PARD3: variants seen among roughly 807,000 people sequenced by gnomAD.
PARD3 encodes the protein par-3 family cell polarity regulator.
Under a neutral mutation model 155.4 loss-of-function variants are expected in PARD3, and 75 were observed. The ratio of observed to expected loss-of-function variants is 0.48; its 90% CI spans 0.40 to 0.58. PARD3 has a LOEUF of 0.58. Ranked by LOEUF, PARD3 falls within the 20% of genes least tolerant of loss-of-function variation. The pLI is 0.00. For synonymous variants in PARD3, 576 were observed against 610.5 expected, an observed-to-expected ratio of 0.94 and a Z score of 0.83; for missense variants, 1,642 against 1,721.7, an observed-to-expected ratio of 0.95 and a Z score of 0.82.
At chr10:34,448,851 A>G (rs1370363906) in intron 5 of PARD3, among the ~76,000 whole-genome samples, 1 of 151,980 alleles carries the variant, frequency 6.6e-6, no homozygotes, top group Non-Finnish European at 1.5e-5. Context: ...CCAACAGAAT[A>G]GATCTCAAGT....
intron 22 of PARD3, among the ~76,000 whole-genome samples, chr10:34,222,561 G>T (rs978716280): frequency 1.3e-5 from 2 of 152,088 alleles, no homozygotes; most frequent in Non-Finnish European, 2.9e-5. Context: ...AGTAATAAAT[G>T]GAGAGAGAGA....
chr10:34,653,537 C>T (rs552018407), intron 2 of PARD3, among the ~76,000 whole-genome samples: 6 of 152,138 alleles, frequency 3.9e-5, no homozygotes, highest in South Asian at 4.2e-4. Context: ...ATGTATAGCA[C>T]GAGATACCAC....
intron 15 of PARD3, among the ~76,000 whole-genome samples, chr10:34,347,183 C>T (rs978820023): frequency 7.9e-5 from 12 of 152,172 alleles, no homozygotes; most frequent in Non-Finnish European, 1.3e-4. Context: ...TGTTTTATGT[C>T]AGGTGTTATT....
intron 2 of PARD3, among the ~76,000 whole-genome samples, chr10:34,634,752 C>T (rs747944656): frequency 1.3e-5 from 2 of 152,166 alleles, no homozygotes; most frequent in Non-Finnish European, 2.9e-5. Context: ...AAATGTATTA[C>T]GGGCAGAATG....
chr10:34,559,942 G>A (rs1404639345), intron 2 of PARD3, among the ~76,000 whole-genome samples: 3 of 152,150 alleles, frequency 2.0e-5, no homozygotes, highest in African/African-American at 4.8e-5. Flanking sequence ...CATTTAAAAT[G>A]AGTCAGTGAA....
intron 1 of PARD3, among the ~76,000 whole-genome samples, chr10:34,771,400 G>A (rs894877485): frequency 2.6e-5 from 4 of 152,162 alleles, no homozygotes; most frequent in Non-Finnish European, 5.9e-5. Context: ...GGGGTCCCAC[G>A]TGTAGCATAG....
chr10:34,205,945 T>C (rs1951456090), intron 22 of PARD3, among the ~76,000 whole-genome samples: 1 of 152,138 alleles, frequency 6.6e-6, no homozygotes, highest in Non-Finnish European at 1.5e-5. Flanking sequence ...TGAGGACCGA[T>C]GCTGATGTTG....
chr10:34,736,281 C>T (rs990092025), intron 1 of PARD3, among the ~76,000 whole-genome samples: 2 of 151,442 alleles, frequency 1.3e-5, no homozygotes, highest in African/African-American at 4.9e-5. Flanking sequence ...CCGCCTGCCT[C>T]GGCCTCCCAA....
At chr10:34,432,443 A>G (rs2075994969) in intron 5 of PARD3, among the ~76,000 whole-genome samples, 1 of 151,924 alleles carries the variant, frequency 6.6e-6, no homozygotes, top group Non-Finnish European at 1.5e-5. Context: ...AGAGAAGATA[A>G]TAAGAGAGTA....
intron 3 of PARD3, among the ~76,000 whole-genome samples, chr10:34,470,674 G>C (rs2078292655): frequency 6.6e-6 from 1 of 152,114 alleles, no homozygotes; most frequent in African/African-American, 2.4e-5. Context: ...TCAGTAGAGA[G>C]TAATATAATA....
chr10:34,723,789 C>A (rs912972694), intron 1 of PARD3, among the ~76,000 whole-genome samples: 2 of 152,196 alleles, frequency 1.3e-5, no homozygotes, highest in African/African-American at 4.8e-5. Flanking sequence ...AGCGGAGGAA[C>A]TGCAGGCTTG....
rs1946356314 is a variant in PARD3, at chr10:34,110,997, G to A, written c.*172C>T. 1.5e-5 allele frequency: 9 copies of A among 599,300 alleles called. No individual in the cohort carries two copies. The highest frequency in any genetic ancestry group is 2.8e-5 in the East Asian group (1 of 36,194). The allele number at this position is 599,300 out of a possible 1,614,324, so 37.1% of individuals were successfully genotyped here. Reference sequence around the variant, plus strand: ...ATGAAACAGACACTTGAGACATAGTGGCAAAGACATTAAGGCCTTCCATTT... The same window carrying A: ...ATGAAACAGACACTTGAGACATAGTAGCAAAGACATTAAGGCCTTCCATTT... On this transcript the variant is annotated 3_prime_UTR_variant, in exon 25 of 25. Transcript: ENST00000374788.
In PARD3 at chr10:34,319,096, T is replaced by TTTC. The variant is rs1307304542; in HGVS notation, c.2834-1761_2834-1759dup. Among the ~76,000 whole-genome samples, 3 of 146,344 alleles carry TTTC rather than the reference T, an allele frequency of 2.0e-5. No homozygotes were observed. In the Admixed American group the frequency reaches 2.1e-4, roughly 10 times the overall value. On this transcript the variant is annotated intron_variant, in intron 19 of 24. Coordinates refer to ENST00000374788, the MANE Select transcript of PARD3 (RefSeq NM_001184785.2). ...ACCCAGACTTTTTTTTTTTTTTTTT[T>TTTC]TTCTTCTTCTTGAGACGGAGTTTCA...
intron 1 of PARD3, among the ~76,000 whole-genome samples, chr10:34,755,926 C>A (rs915821992): frequency 2.0e-5 from 3 of 152,104 alleles, no homozygotes; most frequent in Non-Finnish European, 4.4e-5. Flanking sequence ...TACCTACTGG[C>A]CCCACTTGCT....
chr10:34,254,778 T>A (rs1307370182), intron 22 of PARD3, among the ~76,000 whole-genome samples: 1 of 152,072 alleles, frequency 6.6e-6, no homozygotes, highest in Non-Finnish European at 1.5e-5. Flanking sequence ...TAGGTCTTAT[T>A]CATTTCCATC....
intron 22 of PARD3, among the ~76,000 whole-genome samples, chr10:34,263,157 G>T (rs926292380): frequency 2.0e-5 from 3 of 152,198 alleles, no homozygotes; most frequent in African/African-American, 7.2e-5. Context: ...AAGCATATGT[G>T]TTTTCCTGAG....
intron 12 of PARD3, among the ~76,000 whole-genome samples, chr10:34,372,104 T>C (rs1840729191): frequency 6.6e-6 from 1 of 152,190 alleles, no homozygotes; most frequent in African/African-American, 2.4e-5. Context: ...TTTTACTGTA[T>C]TCTCTTAGCC....
intron 22 of PARD3, among the ~76,000 whole-genome samples, chr10:34,159,027 A>C (rs1274231433): frequency 6.6e-6 from 1 of 152,252 alleles, no homozygotes; most frequent in African/African-American, 2.4e-5. Context: ...CTTGAAAAAG[A>C]AACAAGAATT....
intron 14 of PARD3, among the ~76,000 whole-genome samples, chr10:34,351,688 G>T (rs538113583): frequency 6.6e-6 from 1 of 152,202 alleles, no homozygotes; most frequent in Non-Finnish European, 1.5e-5. Context: ...GAATTTCTCC[G>T]ATTACATCAG....
Sources: allele counts gnomAD v4.1 joint callset (sites outside exome capture counted in the v4.1 genomes callset), GRCh38; gene constraint gnomAD v4.1.1; transcripts MANE v1.5; gene names NCBI Gene and HGNC (gene_info 2026-07-23, HGNC 2026-07-21).